The following FHIT variants were observed in gnomAD, a reference collection of about 807,000 sequenced individuals.
FHIT encodes fragile histidine triad diadenosine triphosphatase.
Under a neutral mutation model 17.9 loss-of-function variants are expected in FHIT, and 19 were observed. That is an observed-to-expected ratio of 1.06 (90% CI 0.74 to 1.56). The LOEUF (loss-of-function observed/expected upper bound fraction) is 1.56, where lower values mean the gene tolerates loss of function less well. Ranked by LOEUF, FHIT falls within the 40% of genes most tolerant of loss-of-function variation. The pLI is 0.00. For missense variants in FHIT, 248 were observed against 189.2 expected, an observed-to-expected ratio of 1.31 and a Z score of -1.82; for synonymous variants, 81 against 69.7, an observed-to-expected ratio of 1.16 and a Z score of -0.81.
At chr3:60,495,266 T>A (rs1410178332) in intron 5 of FHIT, among the ~76,000 whole-genome samples, 1 of 152,176 alleles carries the variant, frequency 6.6e-6, no homozygotes, top group African/African-American at 2.4e-5. Context: ...CTATTTTTAG[T>A]GTATGGTTTC....
intron 4 of FHIT, among the ~76,000 whole-genome samples, chr3:60,793,888 C>A (rs746624177): frequency 6.6e-6 from 1 of 152,118 alleles, no homozygotes; most frequent in Non-Finnish European, 1.5e-5. Context: ...AGACCATTGC[C>A]GAAGCAGCCA....
chr3:61,063,136 G>C (rs1192623268), intron 2 of FHIT, among the ~76,000 whole-genome samples: 1 of 151,616 alleles, frequency 6.6e-6, no homozygotes, highest in East Asian at 1.9e-4. Context: ...GGTGCCTGTA[G>C]TCCCAGCTAC....
intron 3 of FHIT, among the ~76,000 whole-genome samples, chr3:61,013,434 C>CTT (rs916903051): frequency 9.9e-5 from 15 of 152,196 alleles, no homozygotes; most frequent in Non-Finnish European, 5.9e-5. Flanking sequence ...TTCTCCAGTG[C>CTT]TTTTGAAATA....
intron 3 of FHIT, among the ~76,000 whole-genome samples, chr3:60,867,142 A>G (rs563680986): frequency 2.6e-5 from 4 of 152,302 alleles, no homozygotes; most frequent in African/African-American, 9.6e-5. Context: ...GGAAGCTGCT[A>G]TGTATTTGTG....
At chr3:60,613,918 G>C (rs1239401112) in intron 4 of FHIT, among the ~76,000 whole-genome samples, 3 of 152,106 alleles carry the variant, frequency 2.0e-5, no homozygotes, top group Non-Finnish European at 4.4e-5. Context: ...GTAGGAAGCA[G>C]AGGTGAAAAG....
At chr3:60,695,420 T>G (rs1307426026) in intron 4 of FHIT, among the ~76,000 whole-genome samples, 1 of 152,112 alleles carries the variant, frequency 6.6e-6, no homozygotes, top group Non-Finnish European at 1.5e-5. Context: ...AAAAGAAATA[T>G]ATAAATGTTT....
chr3:60,377,318 C>T (rs1017969356), intron 5 of FHIT, among the ~76,000 whole-genome samples: 5 of 151,496 alleles, frequency 3.3e-5, no homozygotes, highest in Non-Finnish European at 5.9e-5. Context: ...CGCACCAACA[C>T]GCCCAGCTAA....
intron 5 of FHIT, among the ~76,000 whole-genome samples, chr3:60,112,228 T>A (rs946424524): frequency 6.6e-6 from 1 of 152,144 alleles, no homozygotes; most frequent in Non-Finnish European, 1.5e-5. Flanking sequence ...CAACTCTAGG[T>A]AGAGCCTTCA....
chr3:61,051,712 A>T (rs1465710630), intron 2 of FHIT, among the ~76,000 whole-genome samples: 1 of 152,218 alleles, frequency 6.6e-6, no homozygotes, highest in Non-Finnish European at 1.5e-5. Flanking sequence ...CCAAAAAAGA[A>T]ATATAACACA....
At chr3:60,789,132 A>G (rs1700684288) in intron 4 of FHIT, among the ~76,000 whole-genome samples, 1 of 143,054 alleles carries the variant, frequency 7.0e-6, no homozygotes, top group African/African-American at 2.8e-5. Flanking sequence ...ATATGTATAT[A>G]TAGAGAGAGA....
At chr3:60,111,196 A>T (rs12715549) in intron 5 of FHIT, among the ~76,000 whole-genome samples, 45,639 of 152,122 alleles carry the variant, frequency 0.3, 7,214 homozygotes, top group Non-Finnish European at 0.35. Context: ...GTCTTTTACA[A>T]AGACTGTGTT....
intron 3 of FHIT, among the ~76,000 whole-genome samples, chr3:60,942,907 T>C (rs1219460549): frequency 2.6e-5 from 4 of 152,336 alleles, no homozygotes; most frequent in Admixed American, 2.6e-4. Context: ...TCTATCATCA[T>C]TTTTCTTTGA....
chr3:60,728,826 A>C (rs1386601607), intron 4 of FHIT, among the ~76,000 whole-genome samples: 1 of 152,050 alleles, frequency 6.6e-6, no homozygotes, highest in African/African-American at 2.4e-5. Flanking sequence ...CTAAACCTGA[A>C]AACCTGTAAC....
chr3:59,987,054 TAAA>T (rs368933979), intron 7 of FHIT, among the ~76,000 whole-genome samples: 44,710 of 134,270 alleles, frequency 0.33, 8,801 homozygotes, highest in East Asian at 0.5. Flanking sequence ...TATAAAAATA[TAAA>T]ATATATCTAT....
intron 5 of FHIT, among the ~76,000 whole-genome samples, chr3:60,139,242 G>A (rs1699935371): frequency 6.6e-6 from 1 of 152,172 alleles, no homozygotes; most frequent in African/African-American, 2.4e-5. Flanking sequence ...GTTCCTGAGA[G>A]CTCAATCACT....
At chr3:61,037,557 T>C (rs1167299434) in intron 3 of FHIT, among the ~76,000 whole-genome samples, 4 of 152,208 alleles carry the variant, frequency 2.6e-5, no homozygotes, top group Non-Finnish European at 4.4e-5. Flanking sequence ...CCAAAGTCCA[T>C]GTGTTGGAAA....
intron 5 of FHIT, among the ~76,000 whole-genome samples, chr3:60,184,471 C>T (rs539483968): frequency 5.4e-4 from 82 of 152,206 alleles, no homozygotes; most frequent in African/African-American, 1.9e-3. Context: ...TGTCTGATGT[C>T]TTTCTCATGA....
chr3:59,844,731 G>T (rs181144158), intron 8 of FHIT, among the ~76,000 whole-genome samples: 2 of 152,166 alleles, frequency 1.3e-5, no homozygotes, highest in East Asian at 3.9e-4. Context: ...CTAGTATTTC[G>T]TTGAAGATTT....
At chr3:60,221,706 A>G (rs115657681) in intron 5 of FHIT, among the ~76,000 whole-genome samples, 2,834 of 152,186 alleles carry the variant, frequency 0.019, 44 homozygotes, top group Non-Finnish European at 0.028. Flanking sequence ...CCACACTTTT[A>G]GCATTTCATG....
Sources: allele counts gnomAD v4.1 joint callset (sites outside exome capture counted in the v4.1 genomes callset), GRCh38; gene constraint gnomAD v4.1.1; transcripts MANE v1.5; gene names NCBI Gene and HGNC (gene_info 2026-07-23, HGNC 2026-07-21).